The following ZNF800 variants were observed in gnomAD, a reference collection of about 807,000 sequenced individuals.
ZNF800 encodes zinc finger protein 800.
ZNF800 carries 13 observed loss-of-function variants against 59.5 expected under a neutral mutation model. The observed-to-expected ratio is 0.22, with a 90% CI of 0.14 to 0.35. The LOEUF (loss-of-function observed/expected upper bound fraction) is 0.35, where lower values mean the gene tolerates loss of function less well. ZNF800 is among the 10% of genes least tolerant of loss of function. The probability of loss-of-function intolerance (pLI) is 1.00; values close to 1 mark genes in which losing one functional copy is unlikely to be tolerated. For synonymous variants in ZNF800, 266 were observed against 265.7 expected (o/e 1.00, Z -0.01); for missense variants, 621 against 783.7 (o/e 0.79, Z 2.48).
At chr7:127,391,440 A>G in intron 2 of ZNF800, 57 bp downstream of exon 2, 2 of 1,545,602 alleles carry the variant, frequency 1.3e-6, no homozygotes, top group South Asian at 2.2e-5. Context: ...AGAAAAAAAG[A>G]GAAGGCAGAG....
At chr7:127,379,592 T>C (rs1413912764) in intron 3 of ZNF800, among the ~76,000 whole-genome samples, 2 of 152,186 alleles carry the variant, frequency 1.3e-5, no homozygotes, top group Admixed American at 6.5e-5. Context: ...ACATAAAAAA[T>C]AGTCAAGTGT....
At chr7:127,348,420 G>GA (rs1204350989) in intron 1 of ZNF800, among the ~76,000 whole-genome samples, 3 of 80,448 alleles carry the variant, frequency 3.7e-5, no homozygotes, top group Admixed American at 2.7e-4. Flanking sequence ...AAAAATGCCA[G>GA]AAAAAAATGG....
downstream of ZNF800, among the ~76,000 whole-genome samples, chr7:127,344,281 C>T (rs149353148): frequency 6.6e-6 from 1 of 152,054 alleles, no homozygotes; most frequent in African/African-American, 2.4e-5. Context: ...AAAATGATCC[C>T]ATTCAAATGC....
At position 127,373,585 on chromosome 7, in the gene ZNF800, T is replaced by C. The variant is rs140198904; in HGVS notation, c.1751A>G (p.His584Arg). ...AGTGCCATCATGTTTTGAATCACTA[T>C]GTTTTGCTTCATCCCTCGAAGGGCC... Reference protein sequence around the residue: ...KRGPSRDEAKHSDSKHDGTSN... With the variant: ...KRGPSRDEAKRSDSKHDGTSN... The change falls in exon 5 of 6, where the codon CAT becomes CGT. Residue 584 changes from histidine (H) to arginine (R), a missense_variant. Physicochemically the swap from His to Arg is conservative, Grantham distance 29. Around this residue, in one of 7 missense-constraint regions of ZNF800, gnomAD observed 94 missense variants for 108.5 expected, o/e 0.87. Coordinates refer to ENST00000265827, the MANE Select transcript of ZNF800 (RefSeq NM_176814.5). The C allele has an allele frequency of 2.2e-5, 36 of 1,614,188 alleles. No individual in the cohort carries two copies. Among genetic ancestry groups the C allele is most frequent in the Non-Finnish European group, 3.1e-5 (36 of 1,180,024 alleles).
At chr7:127,389,561 G>C (rs1382288564) in intron 2 of ZNF800, among the ~76,000 whole-genome samples, 2 of 152,046 alleles carry the variant, frequency 1.3e-5, no homozygotes, top group Non-Finnish European at 2.9e-5. Flanking sequence ...ATTTCTTTCA[G>C]TCCTGGAAAT....
chr7:127,356,589 C>CA (rs1800275270), intron 1 of ZNF800, among the ~76,000 whole-genome samples: 1 of 151,140 alleles, frequency 6.6e-6, no homozygotes, highest in Admixed American at 6.6e-5. Flanking sequence ...GATGTTTAAA[C>CA]AAAAAGAGAC....
intron 1 of ZNF800, chr7:127,348,094 T>C (rs1356056587): frequency 6.6e-6 from 1 of 151,648 alleles, no homozygotes; most frequent in Non-Finnish European, 1.5e-5. Context: ...GACAAAGATA[T>C]GCGGGTTAGA....
rs767094640 is a variant in ZNF800, at chr7:127,374,765, C to G, written c.571G>C (p.Val191Leu). The change falls in exon 5 of 6, where the codon GTA (valine) becomes CTA (leucine). Residue 191 changes from valine to leucine, a missense_variant. This residue lies in a region of ZNF800 where 218 missense variants were observed against 230.8 expected (regional missense o/e 0.94). Coordinates refer to ENST00000265827, the MANE Select transcript of ZNF800 (RefSeq NM_176814.5). Reference sequence around the variant, plus strand: ...ACAATCTCAACAGGAGGGGGCTCTACAGTTTCCACCTCTGTATCTGTAACC... The same window carrying G: ...ACAATCTCAACAGGAGGGGGCTCTAGAGTTTCCACCTCTGTATCTGTAACC... Reference protein sequence around the residue: ...VPVTDTEVETVEPPPVEIVTD... With the variant: ...VPVTDTEVETLEPPPVEIVTD... 4 of 1,613,848 alleles carry G rather than the reference C, an allele frequency of 2.5e-6. No homozygotes were observed. In the South Asian group the frequency reaches 4.4e-5, roughly 18 times the overall value.
At chr7:127,350,770 G>C (rs187407012) in intron 1 of ZNF800, among the ~76,000 whole-genome samples, 1 of 152,310 alleles carries the variant, frequency 6.6e-6, no homozygotes, top group Non-Finnish European at 1.5e-5. Flanking sequence ...TGCTGATATG[G>C]AAAGCACCGA....
At chr7:127,346,273 G>T (rs995134841), downstream of ZNF800, among the ~76,000 whole-genome samples, 1 of 152,170 alleles carries the variant, frequency 6.6e-6, no homozygotes, top group Non-Finnish European at 1.5e-5. Context: ...GGTATGAAGA[G>T]TAGTCTCAGA....
intron 1 of ZNF800, 53 bp from the exon 2 acceptor site, chr7:127,391,668 T>C (rs1372510959): frequency 6.5e-6 from 6 of 922,808 alleles, no homozygotes; most frequent in Non-Finnish European, 1.1e-5. Context: ...TGGGGGGCAC[T>C]GGCTGCATTT....
chr7:127,373,285 AT>A (rs200843686), intron 5 of ZNF800, 56 bp downstream of exon 5: 945 of 1,417,748 alleles, frequency 6.7e-4, no homozygotes, highest in South Asian at 2.2e-3. Flanking sequence ...TGGTCAAATG[AT>A]TTTTTTTTTA....
intron 1 of ZNF800, chr7:127,360,874 T>A (rs1049044540): frequency 6.6e-6 from 1 of 152,088 alleles, no homozygotes; most frequent in Non-Finnish European, 1.5e-5. Context: ...TTGCTTCTCA[T>A]CAATAATGAG....
At chr7:127,383,275 T>C (rs1289634780) in intron 3 of ZNF800, among the ~76,000 whole-genome samples, 1 of 148,226 alleles carries the variant, frequency 6.7e-6, no homozygotes, top group Non-Finnish European at 1.5e-5. Flanking sequence ...AAGGAGATGA[T>C]ACAGCAGTTG....
rs567114022 is a variant in ZNF800 at position 127,372,429 on chromosome 7, G to A, written c.*-615C>T. ...CAGGAGGCGGAAGGTGTAGTGAGCC[G>A]AGATTGCACCACTGCACTCCAGCCT... On this transcript the variant is annotated intron_variant, in intron 5 of 5. Coordinates refer to ENST00000265827, the MANE Select transcript of ZNF800 (RefSeq NM_176814.5). Among the ~76,000 whole-genome samples, 790 of 148,716 alleles carry A rather than the reference G, an allele frequency of 5.3e-3. 5 individuals are homozygous for A. The highest frequency in any genetic ancestry group is 0.017 in the Middle Eastern group (5 of 290).
chr7:127,382,694 T>C (rs1050505184), intron 3 of ZNF800, among the ~76,000 whole-genome samples: 2 of 151,748 alleles, frequency 1.3e-5, no homozygotes, highest in African/African-American at 2.4e-5. Flanking sequence ...CATCTATCTA[T>C]GGACTGATGT....
At chr7:127,356,555 G>A (rs1800274396) in intron 1 of ZNF800, among the ~76,000 whole-genome samples, 1 of 151,694 alleles carries the variant, frequency 6.6e-6, no homozygotes, top group Admixed American at 6.6e-5. Flanking sequence ...TGAGAATATA[G>A]AGGCTTGCCA....
intron 3 of ZNF800, among the ~76,000 whole-genome samples, chr7:127,384,365 C>CTG (rs1801073707): frequency 6.6e-6 from 1 of 150,910 alleles, no homozygotes. Context: ...TCTCGAGTAG[C>CTG]TGAGACTACA....
Position 127,370,689 on chromosome 7 carries a change from AAAAAT to A in ZNF800, c.*1120_*1124del, listed in dbSNP as rs1456488586. 1.3e-5 allele frequency: 2 copies of A among 152,582 alleles called. No homozygotes were observed. Among genetic ancestry groups the A allele is most frequent in the Admixed American group, 1.3e-4 (2 of 15,268 alleles). The allele number at this position is 152,582 out of a possible 1,614,324, so 9.5% of individuals were successfully genotyped here. On this transcript the variant is annotated 3_prime_UTR_variant, in exon 6 of 6. Transcript: ENST00000265827. ...AATTATAATTTGACACAAATAACTA[AAAAAT>A]AAAATATTCCCTAAAAGTACAAAAT... is the stretch of plus-strand genomic sequence containing the variant.
Sources: gnomAD v4.1 joint callset for allele counts (sites outside exome capture counted in the v4.1 genomes callset) on GRCh38, gnomAD v4.1.1 for gene constraint, gnomAD v4.1.1 regional missense constraint, MANE v1.5 for transcripts, NCBI Gene and HGNC (gene_info 2026-07-23, HGNC 2026-07-21) for gene names.